ARB2A: variants seen among roughly 807,000 people sequenced by gnomAD.
The protein encoded by ARB2A is cotranscriptional regulator ARB2A.
At chr5:93,999,674 T>C in the ARB2A span, among the ~76,000 whole-genome samples, 1 of 151,974 alleles carries the variant, frequency 6.6e-6, no homozygotes, top group Non-Finnish European at 1.5e-5. Context: ...CATTGAGACA[T>C]CATAATCACC....
the ARB2A span, among the ~76,000 whole-genome samples, chr5:93,677,492 TTC>T: frequency 7.9e-5 from 12 of 152,346 alleles, no homozygotes; most frequent in Non-Finnish European, 1.0e-4. Flanking sequence ...TGCTGCCACA[TTC>T]TGCTGCCCAC....
At chr5:93,854,582 T>C in the ARB2A span, among the ~76,000 whole-genome samples, 13 of 152,360 alleles carry the variant, frequency 8.5e-5, no homozygotes, top group African/African-American at 3.1e-4. Flanking sequence ...TGCTTTCTCT[T>C]CTGGGCATTT....
At chr5:93,906,934 T>C in the ARB2A span, among the ~76,000 whole-genome samples, 1 of 151,536 alleles carries the variant, frequency 6.6e-6, no homozygotes, top group Non-Finnish European at 1.5e-5. Context: ...TTGCTGCCCT[T>C]GACATTAGTA....
chr5:93,988,845 T>C, the ARB2A span, among the ~76,000 whole-genome samples: 1 of 152,176 alleles, frequency 6.6e-6, no homozygotes, highest in African/African-American at 2.4e-5. Context: ...CAAAGGGTTA[T>C]ATAACCCACC....
the ARB2A span, among the ~76,000 whole-genome samples, chr5:94,068,364 G>T: frequency 6.6e-6 from 1 of 152,238 alleles, no homozygotes; most frequent in Non-Finnish European, 1.5e-5. Flanking sequence ...GATCCGGAGG[G>T]GTGGAAGTCA....
chr5:93,957,988 C>T, the ARB2A span, among the ~76,000 whole-genome samples: 1 of 151,766 alleles, frequency 6.6e-6, no homozygotes, highest in African/African-American at 2.4e-5. Context: ...AAAAAATCTA[C>T]TCATGTGAAA....
chr5:94,006,586 T>C, the ARB2A span, among the ~76,000 whole-genome samples: 1 of 152,236 alleles, frequency 6.6e-6, no homozygotes, highest in Non-Finnish European at 1.5e-5. Context: ...CTTGTATGAC[T>C]ATCTCAAATT....
chr5:93,621,989 C>G, the ARB2A span, among the ~76,000 whole-genome samples: 2 of 152,134 alleles, frequency 1.3e-5, no homozygotes, highest in South Asian at 2.1e-4. Flanking sequence ...TACGGCTTCT[C>G]TCTGTGGTTT....
chr5:93,859,932 CTAA>C, the ARB2A span, among the ~76,000 whole-genome samples: 74 of 152,298 alleles, frequency 4.9e-4, no homozygotes, highest in Middle Eastern at 6.8e-3. Flanking sequence ...AACAATTCTA[CTAA>C]TAAGTATAGA....
chr5:94,108,430 C>G, the ARB2A span, among the ~76,000 whole-genome samples: 1 of 151,466 alleles, frequency 6.6e-6, no homozygotes, highest in Non-Finnish European at 1.5e-5. Flanking sequence ...GGTCAACAGA[C>G]AAGTTGAGAG....
At chr5:93,901,242 A>G in the ARB2A span, among the ~76,000 whole-genome samples, 25,289 of 152,240 alleles carry the variant, frequency 0.17, 2,657 homozygotes, top group Non-Finnish European at 0.23. Flanking sequence ...GTGCAGTCAA[A>G]AAGAAAAGGT....
the ARB2A span, among the ~76,000 whole-genome samples, chr5:93,773,256 A>G: frequency 5.3e-5 from 8 of 152,188 alleles, no homozygotes; most frequent in African/African-American, 7.2e-5. Flanking sequence ...TGAGACTGCA[A>G]TGTTGCCACT....
At chr5:93,871,971 C>T in the ARB2A span, among the ~76,000 whole-genome samples, 2 of 135,650 alleles carry the variant, frequency 1.5e-5, no homozygotes, top group African/African-American at 2.8e-5. Flanking sequence ...TTTTTTGAGT[C>T]GGAGTCTCGG....
At chr5:93,693,120 C>T in the ARB2A span, among the ~76,000 whole-genome samples, 1 of 152,108 alleles carries the variant, frequency 6.6e-6, no homozygotes, top group Non-Finnish European at 1.5e-5. Flanking sequence ...AAACTCGACA[C>T]CCTAACATCA....
At chr5:93,835,966 G>T in the ARB2A span, among the ~76,000 whole-genome samples, 1 of 152,126 alleles carries the variant, frequency 6.6e-6, no homozygotes, top group Non-Finnish European at 1.5e-5. Context: ...GCTGGATGGA[G>T]GATGCAAAAA....
the ARB2A span, among the ~76,000 whole-genome samples, chr5:93,956,610 C>A: frequency 1.3e-4 from 19 of 151,548 alleles, no homozygotes; most frequent in Non-Finnish European, 2.9e-5. Context: ...TTTTGGAAAT[C>A]TTTCTTTAAA....
the ARB2A span, chr5:94,053,107 AGATAGAT>A: frequency 4.3e-6 from 6 of 1,379,656 alleles, no homozygotes; most frequent in Non-Finnish European, 6.1e-6. Flanking sequence ...ATAGATAGAT[AGATAGAT>A]AACCCACTTA....
At chr5:94,071,856 T>G in the ARB2A span, among the ~76,000 whole-genome samples, 1 of 152,124 alleles carries the variant, frequency 6.6e-6, no homozygotes, top group African/African-American at 2.4e-5. Context: ...AGCAATCACA[T>G]TCTTGGGCAT....
At chr5:93,865,683 T>G in the ARB2A span, 2 of 985,220 alleles carry the variant, frequency 2.0e-6, no homozygotes, top group Non-Finnish European at 2.4e-6. Flanking sequence ...AAGATCTACC[T>G]CTTCTTAATA....
Sources: gnomAD v4.1 joint callset for allele counts (sites outside exome capture counted in the v4.1 genomes callset) on GRCh38, gnomAD v4.1.1 for gene constraint, MANE v1.5 for transcripts, NCBI Gene and HGNC (gene_info 2026-07-23, HGNC 2026-07-21) for gene names.